WNT2: variants seen among roughly 807,000 people sequenced by gnomAD.
WNT2 encodes protein Wnt-2.
In WNT2, 12 loss-of-function variants were observed where a neutral mutation model predicts 36.9. The ratio of observed to expected loss-of-function variants is 0.33; its 90% CI spans 0.21 to 0.53. The LOEUF is 0.53. Ranked by LOEUF, WNT2 falls within the 20% of genes least tolerant of loss-of-function variation. WNT2 has a pLI of 0.95. For synonymous variants in WNT2, 163 were observed against 174.6 expected (o/e 0.93, Z 0.52); for missense variants, 379 against 473.1 (o/e 0.80, Z 1.84).
At chr7:117,303,606 A>T (rs1007325044) in intron 3 of WNT2, among the ~76,000 whole-genome samples, 2 of 152,218 alleles carry the variant, frequency 1.3e-5, no homozygotes, top group African/African-American at 4.8e-5. Flanking sequence ...GGGACTGGAG[A>T]CATTTTATTT....
chr7:117,322,888 C>CG lies in WNT2; in HGVS notation c.83+18_83+19insC, dbSNP rs771225724. 5 of 1,613,036 alleles carry CG rather than the reference C, an allele frequency of 3.1e-6. No homozygotes were observed. The highest frequency in any genetic ancestry group is 3.4e-6 in the Non-Finnish European group (4 of 1,179,652). ...ATTCCGATCTCCAAAATCCCCCGCG[C>CG]CCGTGCGCGTGGACTTACCACCATG... On this transcript the variant is annotated intron_variant, in intron 1 of 4. Transcript: ENST00000265441. This position sits in a 1 kb window ranked among gnomAD's most constrained non-coding sequence, Gnocchi z 5.4.
rs1454207432 is a variant in WNT2, at chr7:117,276,625, C to A, written c.*1530G>T. 1.3e-5 allele frequency: 2 copies of A among 152,222 alleles called. No homozygotes were observed. Among genetic ancestry groups the A allele is most frequent in the East Asian group, 1.9e-4 (1 of 5,188 alleles). 9.4% of individuals were successfully genotyped at this position (152,222 alleles called of 1,614,324 possible). On this transcript the variant is annotated 3_prime_UTR_variant, in exon 5 of 5. Coordinates refer to ENST00000265441, the MANE Select transcript of WNT2 (RefSeq NM_003391.3). ...ATGGTATTAAAGAATGAGGAAGAAC[C>A]AATAATTTGATACCAGATGCATGTA...
At chr7:117,320,859 T>C (rs1485834595) in intron 1 of WNT2, 66 bp from the exon 2 acceptor site, 3 of 1,406,908 alleles carry the variant, frequency 2.1e-6, no homozygotes, top group African/African-American at 2.8e-5. Context: ...TCAGTGTTCC[T>C]GGGAGACTAA....
intron 4 of WNT2, among the ~76,000 whole-genome samples, chr7:117,281,260 C>T (rs1368196149): frequency 1.3e-5 from 2 of 152,126 alleles, no homozygotes; most frequent in Non-Finnish European, 2.9e-5. Context: ...TTGTTTGAGA[C>T]AGGGTCTCAC....
intron 3 of WNT2, among the ~76,000 whole-genome samples, chr7:117,310,325 A>G (rs1349873795): frequency 2.0e-5 from 3 of 152,008 alleles, no homozygotes; most frequent in Non-Finnish European, 4.4e-5. Flanking sequence ...TAGCACTTTG[A>G]GAGGACAAGT....
In WNT2 at chr7:117,297,884, A is replaced by C; in HGVS notation, c.589-8T>G. 4 of 1,604,064 alleles carry C rather than the reference A, an allele frequency of 2.5e-6. No homozygotes were observed. Among genetic ancestry groups the C allele is most frequent in the Non-Finnish European group, 3.4e-6 (4 of 1,172,390 alleles). On this transcript the variant is annotated splice_polypyrimidine_tract_variant and splice_region_variant and intron_variant, in intron 3 of 4. Coordinates refer to ENST00000265441, the MANE Select transcript of WNT2 (RefSeq NM_003391.3). ...CAAGAACCGCTTTACAGCCTGCCGAAAAAGACAGGGGCAAGTTCAGTGAGG... is the reference window on the plus strand; with the variant it reads ...CAAGAACCGCTTTACAGCCTGCCGACAAAGACAGGGGCAAGTTCAGTGAGG...
rs1054572213 is a variant in WNT2, at chr7:117,276,475, A to G, written c.*1680T>C. Among the ~76,000 whole-genome samples the G allele has an allele frequency of 2.6e-5, 4 of 152,336 alleles. No individual in the cohort carries two copies. Among genetic ancestry groups the G allele is most frequent in the African/African-American group, 7.2e-5 (3 of 41,574 alleles). On this transcript the variant is annotated 3_prime_UTR_variant, in exon 5 of 5. Transcript: ENST00000265441. ...GTCACTTTGGAAAAGTTAGACAACA[A>G]TTTGGGAATGAGGGAAAGGGGATGA...
intron 3 of WNT2, among the ~76,000 whole-genome samples, chr7:117,312,005 C>G (rs1047774199): frequency 1.3e-5 from 2 of 152,182 alleles, no homozygotes; most frequent in Non-Finnish European, 2.9e-5. Flanking sequence ...ATGGAAATTC[C>G]TACTCTTATA....
chr7:117,279,545 G>A (rs1217270759), intron 4 of WNT2, among the ~76,000 whole-genome samples: 2 of 152,156 alleles, frequency 1.3e-5, no homozygotes, highest in Non-Finnish European at 2.9e-5. Context: ...CTGTGGACTC[G>A]AGGAGGTCCA....
At chr7:117,318,231 C>T (rs1206074390) in intron 2 of WNT2, among the ~76,000 whole-genome samples, 7 of 152,146 alleles carry the variant, frequency 4.6e-5, no homozygotes, top group Non-Finnish European at 5.9e-5. Context: ...AACTCTAAGA[C>T]GTAACTTTTT....
chr7:117,297,535 T>C (rs954618247), intron 4 of WNT2, 77 bp downstream of exon 4: 20 of 1,512,958 alleles, frequency 1.3e-5, no homozygotes, highest in South Asian at 5.0e-5. Context: ...AGGCTGAAAA[T>C]ACAGAACCTC....
In WNT2 at chr7:117,319,190, A is replaced by C. The variant is rs975233884; in HGVS notation, c.310+1377T>G. On this transcript the variant is annotated intron_variant, in intron 2 of 4. Transcript: ENST00000265441. ...TAACAAGGTCCAGTTTCTTTAATTGATTCACTGGCAAGATAATCTAGGTGA... is the reference window on the plus strand; with the variant it reads ...TAACAAGGTCCAGTTTCTTTAATTGCTTCACTGGCAAGATAATCTAGGTGA... Among the ~76,000 whole-genome samples, 14 of 152,328 alleles carry C rather than the reference A, an allele frequency of 9.2e-5. No individual in the cohort carries two copies. The South Asian group carries it at 1.9e-3, about 20-fold the overall frequency.
chr7:117,291,861 T>C (rs1001226569), intron 4 of WNT2, among the ~76,000 whole-genome samples: 3 of 151,736 alleles, frequency 2.0e-5, no homozygotes, highest in African/African-American at 7.3e-5. Context: ...CACCACAACC[T>C]CCACCTCCCA....
intron 3 of WNT2, among the ~76,000 whole-genome samples, chr7:117,299,307 T>TGTCC (rs1794856691): frequency 6.6e-6 from 1 of 152,346 alleles, no homozygotes; most frequent in South Asian, 2.1e-4. Context: ...GTCCAGGAGC[T>TGTCC]GTCCCTCCTA....
At chr7:117,307,319 G>T (rs1370546250) in intron 3 of WNT2, among the ~76,000 whole-genome samples, 1 of 152,116 alleles carries the variant, frequency 6.6e-6, no homozygotes, top group Non-Finnish European at 1.5e-5. Flanking sequence ...TACCACGTAA[G>T]GTATATACTA....
chr7:117,323,046 C>T lies in WNT2; in HGVS notation c.-57G>A, dbSNP rs917133216. ...CTCCGTGTGCGGGCGCCATGCGTGC[C>T]CAGAGCAGAAGCGCTCAGCTCCGGG... On this transcript the variant is annotated 5_prime_UTR_variant, in exon 1 of 5. Coordinates refer to ENST00000265441, the MANE Select transcript of WNT2 (RefSeq NM_003391.3). 6.6e-7 allele frequency: 1 copy of T among 1,510,202 alleles called. No homozygotes were observed. Among genetic ancestry groups the T allele is most frequent in the African/African-American group, 1.4e-5 (1 of 71,564 alleles). The allele number at this position is 1,510,202 out of a possible 1,614,324, so 93.6% of individuals were successfully genotyped here. A position where few individuals can be genotyped will look rare whatever the true frequency, so the allele number is the denominator to read the frequency against.
chr7:117,310,279 T>A (rs1018110389), intron 3 of WNT2, among the ~76,000 whole-genome samples: 1 of 152,128 alleles, frequency 6.6e-6, no homozygotes, highest in Admixed American at 6.6e-5. Flanking sequence ...TTTGAGACTC[T>A]CCAGGCTGGG....
rs751608164 is a variant in WNT2 at position 117,322,931 on chromosome 7, G to C, written c.59C>G (p.Thr20Ser). ...LWLPLLLTWLTPEVNSSWWYM... is the reference protein window; with the variant it reads ...LWLPLLLTWLSPEVNSSWWYM... The stretch of plus-strand genomic sequence containing the variant: ...CCACCATGAAGAGTTGACCTCGGGG[G>C]TGAGCCAGGTCAAGAGCAGAGGGAG... The change falls in exon 1 of 5, where the codon ACC becomes AGC. Residue 20 changes from threonine (T) to serine (S), a missense_variant. Physicochemically the swap from Thr to Ser is moderately conservative, Grantham distance 58 (BLOSUM62 1). Transcript: ENST00000265441. This position sits in a 1 kb window ranked among gnomAD's most constrained non-coding sequence, Gnocchi z 5.4. 1 of 1,613,900 alleles carries C rather than the reference G, an allele frequency of 6.2e-7. No homozygotes were observed. The highest frequency in any genetic ancestry group is 8.5e-7 in the Non-Finnish European group (1 of 1,180,028).
At chr7:117,311,017 T>C (rs1795111056) in intron 3 of WNT2, among the ~76,000 whole-genome samples, 1 of 152,208 alleles carries the variant, frequency 6.6e-6, no homozygotes, top group Admixed American at 6.5e-5. Flanking sequence ...AACTGATGCC[T>C]TTCCCAAAGT....
Sources: gnomAD v4.1 joint callset for allele counts (sites outside exome capture counted in the v4.1 genomes callset) on GRCh38, gnomAD v4.1.1 for gene constraint, Gnocchi (gnomAD v3.1) non-coding constraint, MANE v1.5 for transcripts, NCBI Gene and HGNC (gene_info 2026-07-23, HGNC 2026-07-21) for gene names.